PLA2G4E: variants seen among roughly 807,000 people sequenced by gnomAD.
PLA2G4E encodes phospholipase A2 group IVE.
A neutral mutation model predicts 109.1 loss-of-function variants in PLA2G4E; 84 were observed. That is an observed-to-expected ratio of 0.77 (90% CI 0.65 to 0.92). The LOEUF (loss-of-function observed/expected upper bound fraction) is 0.92. Among genes scored for constraint, PLA2G4E ranks in the 40% least tolerant of loss-of-function variants. PLA2G4E has a pLI of 0.00. For synonymous variants in PLA2G4E, 469 were observed against 436.1 expected (o/e 1.08, Z -0.94); for missense variants, 1,057 against 1,076.6 (o/e 0.98, Z 0.25).
exon 20 of PLA2G4E, chr15:41,983,669 G>T: frequency 8.1e-7 from 1 of 1,232,610 alleles, no homozygotes; most frequent in South Asian, 1.4e-5. Context: ...AGCAGAGCTG[G>T]CTGCGTAGTA....
At chr15:42,039,441 A>G (rs932435791) in intron 1 of PLA2G4E, among the ~76,000 whole-genome samples, 2 of 152,206 alleles carry the variant, frequency 1.3e-5, no homozygotes, top group African/African-American at 4.8e-5. Context: ...TAATGGTGTG[A>G]TACTGGTATA....
chr15:42,010,365 G>A, intron 2 of PLA2G4E: 1 of 305,210 alleles, frequency 3.3e-6, no homozygotes, highest in Non-Finnish European at 6.6e-6. Context: ...TTGGCCTAAG[G>A]CTTAAATGTC....
intron 15 of PLA2G4E, among the ~76,000 whole-genome samples, chr15:41,988,407 C>T (rs901917710): frequency 6.6e-6 from 1 of 152,138 alleles, no homozygotes; most frequent in Admixed American, 6.5e-5. Context: ...TAAGGCACAG[C>T]CCCGGCAGGG....
chr15:42,018,028 C>T (rs777618014), intron 1 of PLA2G4E, among the ~76,000 whole-genome samples: 12 of 152,230 alleles, frequency 7.9e-5, no homozygotes, highest in Non-Finnish European at 1.6e-4. Context: ...GTTTGAGAGA[C>T]ATCCCAGCCG....
At chr15:42,025,765 G>T (rs1345022086) in intron 1 of PLA2G4E, among the ~76,000 whole-genome samples, 1 of 152,180 alleles carries the variant, frequency 6.6e-6, no homozygotes, top group Admixed American at 6.5e-5. Flanking sequence ...GAGTGGTGGT[G>T]TTTGTCTGAG....
At chr15:42,020,216 T>C (rs2141064465) in intron 1 of PLA2G4E, among the ~76,000 whole-genome samples, 1 of 152,326 alleles carries the variant, frequency 6.6e-6, no homozygotes, top group Admixed American at 6.5e-5. Flanking sequence ...CATTCAATGA[T>C]TTAACTTGAG....
exon 11 of PLA2G4E, chr15:41,997,180 C>T: frequency 3.8e-6 from 6 of 1,560,796 alleles, no homozygotes; most frequent in Non-Finnish European, 5.2e-6. Context: ...GCCTTGGCCA[C>T]CACGACCTTC....
intron 11 of PLA2G4E, 72 bp from the exon 12 acceptor site, chr15:41,995,568 G>C: frequency 1.3e-6 from 2 of 1,578,756 alleles, no homozygotes; most frequent in Non-Finnish European, 1.7e-6. Flanking sequence ...TTAGAATGAC[G>C]GCAACTTTGA....
intron 1 of PLA2G4E, among the ~76,000 whole-genome samples, chr15:42,047,413 G>A (rs1714228774): frequency 6.6e-6 from 1 of 152,194 alleles, no homozygotes; most frequent in South Asian, 2.1e-4. Flanking sequence ...GCAACAGGGT[G>A]CAGAACTCAC....
intron 1 of PLA2G4E, among the ~76,000 whole-genome samples, chr15:42,044,120 G>T (rs190842331): frequency 6.6e-6 from 1 of 152,274 alleles, no homozygotes; most frequent in East Asian, 1.9e-4. Flanking sequence ...AATCAACATG[G>T]TGCCTGCTCT....
chr15:41,994,697 G>A (rs1471816461), intron 12 of PLA2G4E, among the ~76,000 whole-genome samples: 2 of 151,664 alleles, frequency 1.3e-5, no homozygotes, highest in South Asian at 2.1e-4. Context: ...ATTTCATGCT[G>A]GCCACATAAA....
chr15:41,988,092 C>T lies in PLA2G4E; in HGVS notation c.1788G>A (p.Glu596=), dbSNP rs747652724. Reference sequence around the variant, plus strand: ...CCCTTGTCCACCTGTGGAAAAACTCCTCCGAGGTGTGTGACAGGTTCCAGG... The same window carrying T: ...CCCTTGTCCACCTGTGGAAAAACTCTTCCGAGGTGTGTGACAGGTTCCAGG... The change falls in exon 16 of 20, where the codon GAG becomes GAA. Residue 596 remains glutamate (E), a synonymous_variant. Coordinates refer to ENST00000399518, the Ensembl canonical transcript of PLA2G4E. 43 of 1,608,148 alleles carry T rather than the reference C, an allele frequency of 2.7e-5. 1 individual carries two copies. In the Admixed American group the frequency reaches 7.1e-4, roughly 26 times the overall value.
chr15:42,019,746 T>TG (rs1016128767), intron 1 of PLA2G4E, among the ~76,000 whole-genome samples: 15 of 152,308 alleles, frequency 9.8e-5, no homozygotes, highest in Admixed American at 2.6e-4. Flanking sequence ...AAGAGTCACC[T>TG]GGGAGGAGCT....
intron 2 of PLA2G4E, among the ~76,000 whole-genome samples, chr15:42,011,711 C>T (rs535763433): frequency 1.7e-4 from 26 of 151,920 alleles, no homozygotes; most frequent in African/African-American, 6.0e-4. Context: ...GCCTGGGCAA[C>T]AGAGTGAGAC....
intron 17 of PLA2G4E, 39 bp downstream of exon 17, chr15:41,987,133 T>C (rs2141021961): frequency 1.3e-6 from 2 of 1,566,788 alleles, no homozygotes; most frequent in East Asian, 4.5e-5. Context: ...TCCTCCTCCA[T>C]ATGGAGGCAG....
chr15:42,019,004 C>T (rs943580472), intron 1 of PLA2G4E, among the ~76,000 whole-genome samples: 2 of 152,194 alleles, frequency 1.3e-5, no homozygotes, highest in African/African-American at 2.4e-5. Context: ...ATCTAACCTT[C>T]CAACCACCGC....
At chr15:41,982,917 T>C (rs1413124526) in exon 20 of PLA2G4E, 17 of 152,232 alleles carry the variant, frequency 1.1e-4, no homozygotes, top group Admixed American at 1.1e-3. Context: ...TCCATCTAGA[T>C]CTTCTAGCTT....
At chr15:42,043,470 G>A (rs1048980483) in intron 1 of PLA2G4E, among the ~76,000 whole-genome samples, 11 of 149,656 alleles carry the variant, frequency 7.4e-5, no homozygotes, top group Admixed American at 2.0e-4. Flanking sequence ...AGTCTGATGC[G>A]AACATGGAGT....
chr15:42,038,758 C>T (rs926289687), intron 1 of PLA2G4E, among the ~76,000 whole-genome samples: 1 of 152,146 alleles, frequency 6.6e-6, no homozygotes, highest in African/African-American at 2.4e-5. Flanking sequence ...TGTGCACTTT[C>T]TTGTACATGT....
Sources: allele counts gnomAD v4.1 joint callset (sites outside exome capture counted in the v4.1 genomes callset), GRCh38; gene constraint gnomAD v4.1.1; transcripts MANE v1.5; gene names NCBI Gene and HGNC (gene_info 2026-07-23, HGNC 2026-07-21).